C12orf54: variants seen among roughly 807,000 people sequenced by gnomAD.
The protein encoded by C12orf54 is chromosome 12 open reading frame 54.
A neutral mutation model predicts 26.4 loss-of-function variants in C12orf54; 24 were observed. The observed-to-expected ratio is 0.91, with a 90% CI of 0.66 to 1.28. C12orf54 has a LOEUF of 1.28. Among genes scored for constraint, C12orf54 ranks in the 50% most tolerant of loss-of-function variants. The pLI is 0.00. For synonymous variants in C12orf54, 54 were observed against 47.0 expected (o/e 1.15, Z -0.61); for missense variants, 154 against 150.9 (o/e 1.02, Z -0.11).
At chr12:48,477,865 GA>G (rs549550190), upstream of C12orf54, among the ~76,000 whole-genome samples, 1 of 152,040 alleles carries the variant, frequency 6.6e-6, no homozygotes, top group African/African-American at 2.4e-5. Context: ...CCAATCAATA[GA>G]AAAAAAGGGA....
the C12orf54 span, among the ~76,000 whole-genome samples, chr12:48,441,498 C>T: frequency 6.6e-6 from 1 of 152,004 alleles, no homozygotes; most frequent in South Asian, 2.1e-4. Flanking sequence ...AATGATCTGA[C>T]ATTGACCATG....
At chr12:48,481,698 C>T (rs1388054186), upstream of C12orf54, among the ~76,000 whole-genome samples, 1 of 152,194 alleles carries the variant, frequency 6.6e-6, no homozygotes, top group Non-Finnish European at 1.5e-5. Flanking sequence ...TCCTTCTCCA[C>T]TCTGCATTTC....
At chr12:48,485,021 G>A (rs979282838) in intron 2 of C12orf54, among the ~76,000 whole-genome samples, 1 of 152,102 alleles carries the variant, frequency 6.6e-6, no homozygotes, top group Non-Finnish European at 1.5e-5. Context: ...ATGTTCATCA[G>A]GAGTCTCCTC....
At chr12:48,434,941 C>T in the C12orf54 span, among the ~76,000 whole-genome samples, 2 of 152,114 alleles carry the variant, frequency 1.3e-5, no homozygotes, top group East Asian at 1.9e-4. Flanking sequence ...GAGAAGAAAG[C>T]TTCAGAAGAT....
At chr12:48,478,632 T>A (rs1210146035), upstream of C12orf54, among the ~76,000 whole-genome samples, 1 of 152,030 alleles carries the variant, frequency 6.6e-6, no homozygotes, top group Non-Finnish European at 1.5e-5. Context: ...AAATCATGAG[T>A]GAACTCCCCT....
chr12:48,428,057 T>A, the C12orf54 span, among the ~76,000 whole-genome samples: 1 of 152,098 alleles, frequency 6.6e-6, no homozygotes, highest in African/African-American at 2.4e-5. Context: ...TTAAATCACC[T>A]GCTCCTGAGT....
the C12orf54 span, among the ~76,000 whole-genome samples, chr12:48,415,144 C>T: frequency 0.14 from 20,586 of 152,140 alleles, 2,751 homozygotes; most frequent in East Asian, 0.67. Context: ...TAGCTAAAAT[C>T]CTGATATTAT....
the C12orf54 span, among the ~76,000 whole-genome samples, chr12:48,471,858 GT>G: frequency 1.3e-5 from 2 of 152,052 alleles, no homozygotes; most frequent in Admixed American, 6.6e-5. Context: ...ATTCAGAGTA[GT>G]TTTTTTCTAA....
chr12:48,452,506 G>A, the C12orf54 span, among the ~76,000 whole-genome samples: 16 of 151,122 alleles, frequency 1.1e-4, no homozygotes, highest in African/African-American at 3.9e-4. Context: ...AAACTAAAGA[G>A]CTTCTGCACA....
chr12:48,492,814 A>T, intron 6 of C12orf54, 133 bp from the exon 7 acceptor site: 1 of 723,246 alleles, frequency 1.4e-6, no homozygotes, highest in South Asian at 1.6e-5. Flanking sequence ...TGGGCCTGTT[A>T]GGTGGTCAGT....
the C12orf54 span, among the ~76,000 whole-genome samples, chr12:48,420,904 T>C: frequency 6.6e-6 from 1 of 152,152 alleles, no homozygotes; most frequent in African/African-American, 2.4e-5. Context: ...GATGGATGGA[T>C]TTAATTTTAA....
the C12orf54 span, among the ~76,000 whole-genome samples, chr12:48,419,535 C>T: frequency 0.14 from 21,445 of 151,994 alleles, 2,059 homozygotes; most frequent in Non-Finnish European, 0.22. Context: ...GAGAGCAGAT[C>T]GGAATATGTT....
chr12:48,492,775 G>C, intron 6 of C12orf54, 172 bp from the exon 7 acceptor site: 1 of 613,720 alleles, frequency 1.6e-6, no homozygotes. Context: ...CCAGATTTCT[G>C]GTGCCACATT....
chr12:48,488,195 T>C (rs928723175), intron 4 of C12orf54: 7 of 711,862 alleles, frequency 9.8e-6, no homozygotes, highest in Non-Finnish European at 1.8e-5. Context: ...ATTACCTTCA[T>C]TGGCCCCTGG....
intron 1 of C12orf54, 52 bp from the exon 2 acceptor site, chr12:48,483,188 T>C: frequency 3.3e-6 from 3 of 916,482 alleles, no homozygotes; most frequent in Non-Finnish European, 5.1e-6. Context: ...ATAAGCGCTT[T>C]TCTTCTCACC....
chr12:48,444,379 AAAAG>A, the C12orf54 span, among the ~76,000 whole-genome samples: 3 of 152,218 alleles, frequency 2.0e-5, no homozygotes, highest in African/African-American at 7.2e-5. Flanking sequence ...GAGGGCAGCA[AAAAG>A]AAAGGTCTCC....
chr12:48,462,466 T>C, the C12orf54 span, among the ~76,000 whole-genome samples: 1 of 151,620 alleles, frequency 6.6e-6, no homozygotes, highest in Non-Finnish European at 1.5e-5. Context: ...ATATCATTCA[T>C]AAACATAGAT....
the C12orf54 span, among the ~76,000 whole-genome samples, chr12:48,416,946 G>A: frequency 0.14 from 21,507 of 152,018 alleles, 2,058 homozygotes; most frequent in Non-Finnish European, 0.22. Context: ...TGATTAAAAG[G>A]ATGAGTTTGG....
chr12:48,475,949 T>A, the C12orf54 span, among the ~76,000 whole-genome samples: 2 of 151,684 alleles, frequency 1.3e-5, no homozygotes, highest in Non-Finnish European at 2.9e-5. Flanking sequence ...AATTGTCAGA[T>A]TCACCAAAGT....
Sources: allele counts gnomAD v4.1 joint callset (sites outside exome capture counted in the v4.1 genomes callset), GRCh38; gene constraint gnomAD v4.1.1; transcripts MANE v1.5; gene names NCBI Gene and HGNC (gene_info 2026-07-23, HGNC 2026-07-21).